The following NCAM2 variants were observed in gnomAD, a reference collection of about 807,000 sequenced individuals.
NCAM2 encodes the protein N-CAM-2.
Under a neutral mutation model 98.1 loss-of-function variants are expected in NCAM2, and 30 were observed. The ratio of observed to expected loss-of-function variants is 0.31; its 90% CI spans 0.23 to 0.41. The LOEUF (loss-of-function observed/expected upper bound fraction) is 0.41. Among genes scored for constraint, NCAM2 ranks in the 10% least tolerant of loss-of-function variants. The probability of loss-of-function intolerance (pLI) is 1.00; values close to 1 mark genes in which losing one functional copy is unlikely to be tolerated. For missense variants in NCAM2, 867 were observed against 1,005.8 expected (o/e 0.86, Z 1.87); for synonymous variants, 368 against 342.4 (o/e 1.07, Z -0.83).
At chr21:21,529,231 C>T (rs1217878008) in intron 16 of NCAM2, among the ~76,000 whole-genome samples, 1 of 152,020 alleles carries the variant, frequency 6.6e-6, no homozygotes, top group African/African-American at 2.4e-5. Context: ...TAGCTATATA[C>T]ATGGGCCCAA....
At chr21:21,099,290 C>A (rs1601363543) in intron 1 of NCAM2, among the ~76,000 whole-genome samples, 2 of 151,972 alleles carry the variant, frequency 1.3e-5, no homozygotes, top group African/African-American at 4.8e-5. Flanking sequence ...CTGGCTCAGG[C>A]AAGCTACACT....
At chr21:21,496,856 A>G (rs748640151) in intron 15 of NCAM2, among the ~76,000 whole-genome samples, 1 of 152,078 alleles carries the variant, frequency 6.6e-6, no homozygotes, top group South Asian at 2.1e-4. Flanking sequence ...CCAGCATCAT[A>G]TACTGAATAG....
intron 6 of NCAM2, among the ~76,000 whole-genome samples, chr21:21,331,582 G>T (rs1280655242): frequency 0.019 from 23 of 1,208 alleles, 1 homozygote; most frequent in African/African-American, 0.059. Context: ...TATATATAGA[G>T]AGAGAGAGAG....
intron 15 of NCAM2, among the ~76,000 whole-genome samples, chr21:21,491,626 T>C (rs1986854976): frequency 6.6e-6 from 1 of 151,728 alleles, no homozygotes; most frequent in South Asian, 2.1e-4. Flanking sequence ...TAGAGCAAAA[T>C]GTTACATTGC....
chr21:21,144,149 A>C (rs1262532393), intron 1 of NCAM2, among the ~76,000 whole-genome samples: 2 of 152,008 alleles, frequency 1.3e-5, no homozygotes, highest in Non-Finnish European at 2.9e-5. Flanking sequence ...GGAAATTGAG[A>C]CCATCCTGGC....
intron 1 of NCAM2, among the ~76,000 whole-genome samples, chr21:21,172,371 CTAACA>C (rs1404907477): frequency 6.6e-6 from 1 of 151,998 alleles, no homozygotes; most frequent in African/African-American, 2.4e-5. Context: ...TCATTTTGAC[CTAACA>C]TGTTTGAATC....
chr21:21,100,816 GAC>G (rs2066226669), intron 1 of NCAM2, among the ~76,000 whole-genome samples: 1 of 152,024 alleles, frequency 6.6e-6, no homozygotes, highest in African/African-American at 2.4e-5. Context: ...TGTACGCATA[GAC>G]ACATAGCTGT....
intron 1 of NCAM2, among the ~76,000 whole-genome samples, chr21:21,049,482 G>A (rs536327815): frequency 0.071 from 11 of 156 alleles, no homozygotes; most frequent in African/African-American, 0.23. Flanking sequence ...AATAAAAAGA[G>A]CATGAAAAAT....
intron 5 of NCAM2, among the ~76,000 whole-genome samples, chr21:21,314,799 T>C (rs1227799772): frequency 6.6e-6 from 1 of 152,098 alleles, no homozygotes; most frequent in African/African-American, 2.4e-5. Flanking sequence ...AGAATGCTAA[T>C]ATTTATTTGG....
chr21:21,185,896 T>C (rs1373077865), intron 1 of NCAM2, among the ~76,000 whole-genome samples: 2 of 152,168 alleles, frequency 1.3e-5, no homozygotes, highest in African/African-American at 2.4e-5. Context: ...TCCATTAATA[T>C]ACAATAAAAA....
chr21:21,414,730 A>G (rs1232236272), intron 10 of NCAM2, among the ~76,000 whole-genome samples: 2 of 151,972 alleles, frequency 1.3e-5, no homozygotes, highest in African/African-American at 2.4e-5. Flanking sequence ...CGGCCTCCCA[A>G]AGTGCTGGGA....
intron 1 of NCAM2, among the ~76,000 whole-genome samples, chr21:21,175,232 G>A (rs905746056): frequency 6.6e-5 from 10 of 151,882 alleles, no homozygotes; most frequent in Admixed American, 4.6e-4. Flanking sequence ...GATGATGGTA[G>A]ACTTGAAAAA....
chr21:21,493,510 T>A (rs1417348944), intron 15 of NCAM2, among the ~76,000 whole-genome samples: 1 of 151,934 alleles, frequency 6.6e-6, no homozygotes, highest in Non-Finnish European at 1.5e-5. Flanking sequence ...AACACCCAAG[T>A]GGTACCTTTG....
intron 1 of NCAM2, among the ~76,000 whole-genome samples, chr21:21,078,709 C>A (rs1230952764): frequency 6.6e-6 from 1 of 152,138 alleles, no homozygotes; most frequent in African/African-American, 2.4e-5. Context: ...GAATATAAAT[C>A]ATTATATTAT....
chr21:21,044,035 TTG>T (rs61626238), intron 1 of NCAM2, among the ~76,000 whole-genome samples: 2 of 150,090 alleles, frequency 1.3e-5, no homozygotes, highest in Non-Finnish European at 3.0e-5. Context: ...TTTGAAGACT[TTG>T]TGTGTGTGTG....
At chr21:21,223,226 T>C (rs1432115781) in intron 1 of NCAM2, 1 of 152,170 alleles carries the variant, frequency 6.6e-6, no homozygotes, top group African/African-American at 2.4e-5. Context: ...ATTCTATAAA[T>C]ATAAAATTTA....
intron 15 of NCAM2, among the ~76,000 whole-genome samples, chr21:21,480,565 C>CTA (rs759349700): frequency 6.6e-6 from 1 of 151,840 alleles, no homozygotes; most frequent in Non-Finnish European, 1.5e-5. Flanking sequence ...AAGTGTGTGA[C>CTA]TATAGATAAG....
intron 14 of NCAM2, among the ~76,000 whole-genome samples, chr21:21,474,032 A>T (rs1195876125): frequency 6.6e-6 from 1 of 151,932 alleles, no homozygotes; most frequent in Non-Finnish European, 1.5e-5. Context: ...TCATCTCATT[A>T]AGTTACCTAG....
At chr21:21,493,092 G>C (rs920429081) in intron 15 of NCAM2, among the ~76,000 whole-genome samples, 2 of 151,818 alleles carry the variant, frequency 1.3e-5, no homozygotes, top group African/African-American at 4.8e-5. Context: ...TGTGACTCAC[G>C]GTCCTGTCAA....
Sources: allele counts gnomAD v4.1 joint callset (sites outside exome capture counted in the v4.1 genomes callset), GRCh38; gene constraint gnomAD v4.1.1; transcripts MANE v1.5; gene names NCBI Gene and HGNC (gene_info 2026-07-23, HGNC 2026-07-21).